Variants in TEX10 observed in about 807,000 individuals in gnomAD.
The protein encoded by TEX10 is testis expressed 10.
A neutral mutation model predicts 104.4 loss-of-function variants in TEX10; 24 were observed. The ratio of observed to expected loss-of-function variants is 0.23; its 90% CI spans 0.17 to 0.32. The LOEUF (loss-of-function observed/expected upper bound fraction) is 0.32, where lower values mean the gene tolerates loss of function less well. TEX10 is among the 10% of genes least tolerant of loss of function. The probability of loss-of-function intolerance (pLI) is 1.00; values close to 1 mark genes in which losing one functional copy is unlikely to be tolerated. For missense variants in TEX10, 921 were observed against 1,083.9 expected (o/e 0.85, Z 2.11); for synonymous variants, 396 against 393.4 (o/e 1.01, Z -0.08).
At chr9:100,343,598 T>TAAA (rs760704164) in intron 4 of TEX10, among the ~76,000 whole-genome samples, 1 of 138,390 alleles carries the variant, frequency 7.2e-6, no homozygotes, top group Admixed American at 7.3e-5. Context: ...CTAAAAAGTT[T>TAAA]AAAAAAAAAA....
chr9:100,334,890 C>A (rs1834969890), intron 5 of TEX10, among the ~76,000 whole-genome samples: 1 of 152,192 alleles, frequency 6.6e-6, no homozygotes. Flanking sequence ...GTCTCGAACC[C>A]TTGATCTCAG....
chr9:100,310,216 C>T (rs1020846219), intron 12 of TEX10, 83 bp downstream of exon 12: 8 of 1,088,940 alleles, frequency 7.3e-6, no homozygotes, highest in Non-Finnish European at 1.1e-5. Flanking sequence ...TCCAGACATG[C>T]TCTTTCTGGG....
At chr9:100,324,979 G>A (rs1262310408) in intron 9 of TEX10, among the ~76,000 whole-genome samples, 1 of 152,012 alleles carries the variant, frequency 6.6e-6, no homozygotes, top group Non-Finnish European at 1.5e-5. Flanking sequence ...ATATGTCCAG[G>A]CCCCTCTAAT....
rs1834785245 is a variant in TEX10 at position 100,329,159 on chromosome 9, G to C, written c.1606C>G (p.Leu536Val). The C allele has an allele frequency of 6.2e-7, 1 of 1,604,466 alleles. No homozygotes were observed. Among genetic ancestry groups the C allele is most frequent in the Non-Finnish European group, 8.5e-7 (1 of 1,177,990 alleles). The part of the protein sequence containing the change: ...FFSKIYQTEE[L>V]RSCRFRYRSK... ...TTTTACCTGAATCTACAAGATCTCAGTTCTTCTGTCTGATAGATTTTACTG... is the reference window on the plus strand; with the variant it reads ...TTTTACCTGAATCTACAAGATCTCACTTCTTCTGTCTGATAGATTTTACTG... Residue 536 changes from leucine (L) to valine (V), a missense_variant, in exon 7 of 15, where the codon CTG (leucine) becomes GTG (valine). Around this residue, in one of 3 missense-constraint regions of TEX10, gnomAD observed 753 missense variants for 868.4 expected, o/e 0.87. Transcript: ENST00000374902.
intron 11 of TEX10, among the ~76,000 whole-genome samples, chr9:100,313,211 C>A (rs1403553041): frequency 6.6e-6 from 1 of 152,106 alleles, no homozygotes; most frequent in Non-Finnish European, 1.5e-5. Flanking sequence ...TGGACAAGCA[C>A]CTTTCAACAT....
chr9:100,347,223 G>A lies in TEX10; in HGVS notation c.364C>T (p.Leu122Phe). Residue 122 changes from leucine to phenylalanine, a missense_variant, in exon 3 of 15, where the codon CTT (leucine) becomes TTT (phenylalanine). Around this residue, in one of 3 missense-constraint regions of TEX10, gnomAD observed 50 missense variants for 104.2 expected, o/e 0.48. Coordinates refer to ENST00000374902, the MANE Select transcript of TEX10 (RefSeq NM_017746.4). ...CGTATTTTGGGGGCCAGGAATTGAA[G>A]AAGTTGAACTGCTGCTAATCGTACA... ...ANVRLAAVQL[L>F]QFLAPKIRAE... The A allele has an allele frequency of 6.2e-7, 1 of 1,614,066 alleles. No homozygotes were observed. The highest frequency in any genetic ancestry group is 8.5e-7 in the Non-Finnish European group (1 of 1,179,976).
chr9:100,337,681 TCAA>T (rs1835046378), intron 5 of TEX10, among the ~76,000 whole-genome samples: 1 of 152,200 alleles, frequency 6.6e-6, no homozygotes, highest in Non-Finnish European at 1.5e-5. Context: ...GGCTTCCACA[TCAA>T]GGCCAGTGAA....
intron 5 of TEX10, among the ~76,000 whole-genome samples, chr9:100,339,309 ATTTG>A (rs1307083968): frequency 7.4e-6 from 1 of 134,778 alleles, no homozygotes; most frequent in Non-Finnish European, 1.5e-5. Context: ...ATATACACAT[ATTTG>A]TTTTTTATAT....
chr9:100,329,412 T>G, intron 6 of TEX10, 137 bp from the exon 7 acceptor site: 1 of 916,064 alleles, frequency 1.1e-6, no homozygotes. Flanking sequence ...CAACTACCAT[T>G]GAAGTCCTAT....
intron 11 of TEX10, among the ~76,000 whole-genome samples, chr9:100,315,263 C>T (rs1834387819): frequency 6.6e-6 from 1 of 152,094 alleles, no homozygotes; most frequent in Non-Finnish European, 1.5e-5. Flanking sequence ...CTATAAATGT[C>T]TGTAAGGTCC....
Position 100,334,390 on chromosome 9 carries a change from A to G in TEX10, c.1251-4221T>C, listed in dbSNP as rs1323288272. ...CTCAAAGAAAATAACTGCCAAATCT[A>G]TAATATTAACCCTGCTAAAACATTC... On this transcript the variant is annotated intron_variant, in intron 5 of 14. Coordinates refer to ENST00000374902, the MANE Select transcript of TEX10 (RefSeq NM_017746.4). 3.3e-5 allele frequency among the ~76,000 whole-genome samples: 5 copies of G among 152,344 alleles called. No individual in the cohort carries two copies. In the East Asian group the frequency reaches 5.8e-4, roughly 18 times the overall value.
intron 10 of TEX10, among the ~76,000 whole-genome samples, chr9:100,321,441 A>G (rs947035592): frequency 2.0e-5 from 3 of 152,188 alleles, no homozygotes; most frequent in African/African-American, 7.2e-5. Flanking sequence ...CAGGGTTTTG[A>G]TACTCATACT....
At chr9:100,329,066 A>G in intron 7 of TEX10, 74 bp downstream of exon 7, 1 of 1,403,172 alleles carries the variant, frequency 7.1e-7, no homozygotes, top group Admixed American at 2.4e-5. Flanking sequence ...TAATCTCTCT[A>G]AAATTATTTA....
intron 11 of TEX10, among the ~76,000 whole-genome samples, chr9:100,314,633 C>G (rs571419431): frequency 1.3e-5 from 2 of 151,952 alleles, no homozygotes; most frequent in Non-Finnish European, 2.9e-5. Context: ...GTCTAGCTAC[C>G]GGCTATCAAT....
chr9:100,329,956 C>T lies in TEX10; in HGVS notation c.1464G>A (p.Arg488=). The stretch of plus-strand genomic sequence containing the variant: ...CTCTGTTTGGCTGTATTTGCATTAA[C>T]CTCCAGGATACTCCCAGCAATCTGT... The part of the protein sequence containing the change: ...QLNRLLGVSW[R]LMQIQPNRED... The change falls in exon 6 of 15, where the codon AGG becomes AGA. Residue 488 remains arginine, a synonymous_variant. Coordinates refer to ENST00000374902, the MANE Select transcript of TEX10 (RefSeq NM_017746.4). The T allele has an allele frequency of 6.2e-7, 1 of 1,613,002 alleles. No individual in the cohort carries two copies. Among genetic ancestry groups the T allele is most frequent in the Non-Finnish European group, 8.5e-7 (1 of 1,179,376 alleles).
At chr9:100,344,285 C>T (rs921410614) in intron 4 of TEX10, among the ~76,000 whole-genome samples, 9 of 152,116 alleles carry the variant, frequency 5.9e-5, no homozygotes, top group Non-Finnish European at 1.3e-4. Context: ...TAAGCCTAGT[C>T]ATGTTATAAT....
At chr9:100,343,620 G>A (rs1426082300) in intron 4 of TEX10, among the ~76,000 whole-genome samples, 1 of 150,762 alleles carries the variant, frequency 6.6e-6, no homozygotes, top group Non-Finnish European at 1.5e-5. Context: ...AAAACTACCT[G>A]AATACAAGTG....
rs913684207 is a variant in TEX10, at chr9:100,303,671, G to A, written c.2637C>T (p.Thr879=). ...QHAPLRTHML[T]NAILVQQIIK... ...TGATCTGCTGCACCAAGATCGCATT[G>A]GTCAACATATGAGTCCTGAGGGGTG... Residue 879 remains threonine, a synonymous_variant, in exon 14 of 15, where the codon ACC becomes ACT. Transcript: ENST00000374902. The A allele has an allele frequency of 1.2e-5, 19 of 1,613,888 alleles. No homozygotes were observed. In the Admixed American group the frequency reaches 1.7e-4, roughly 14 times the overall value.
At chr9:100,304,312 T>C (rs1490855531) in intron 13 of TEX10, 1 of 208,664 alleles carries the variant, frequency 4.8e-6, no homozygotes, top group East Asian at 1.2e-4. Flanking sequence ...AAAAACAACC[T>C]GACTTCACAG....
Sources: gnomAD v4.1 joint callset for allele counts (sites outside exome capture counted in the v4.1 genomes callset) on GRCh38, gnomAD v4.1.1 for gene constraint, gnomAD v4.1.1 regional missense constraint, MANE v1.5 for transcripts, NCBI Gene and HGNC (gene_info 2026-07-23, HGNC 2026-07-21) for gene names.